The following TASP1 variants were observed in gnomAD, a reference collection of about 807,000 sequenced individuals.
TASP1 encodes the protein threonine aspartase 1.
A neutral mutation model predicts 56.6 loss-of-function variants in TASP1; 16 were observed. The ratio of observed to expected loss-of-function variants is 0.28; its 90% CI spans 0.19 to 0.43. The LOEUF (loss-of-function observed/expected upper bound fraction) is 0.43. Among genes scored for constraint, TASP1 ranks in the 20% least tolerant of loss-of-function variants. The pLI is 1.00. For synonymous variants in TASP1, 179 were observed against 184.2 expected (o/e 0.97, Z 0.23); for missense variants, 393 against 511.6 (o/e 0.77, Z 2.24).
chr20:13,195,023 C>G, the TASP1 span, among the ~76,000 whole-genome samples: 1 of 152,120 alleles, frequency 6.6e-6, no homozygotes, highest in Non-Finnish European at 1.5e-5. Context: ...GCTTCTCTAC[C>G]ATTTGTGAGG....
chr20:13,284,061 G>T, the TASP1 span, among the ~76,000 whole-genome samples: 1 of 152,194 alleles, frequency 6.6e-6, no homozygotes, highest in Non-Finnish European at 1.5e-5. Flanking sequence ...TAACCTCTCT[G>T]AGCCTCAGTC....
At chr20:13,190,140 G>A in the TASP1 span, among the ~76,000 whole-genome samples, 1 of 152,102 alleles carries the variant, frequency 6.6e-6, no homozygotes, top group African/African-American at 2.4e-5. Context: ...ATACACAGTG[G>A]GGACTCCAAA....
At chr20:13,597,247 C>A in intron 4 of TASP1, among the ~76,000 whole-genome samples, 1 of 152,120 alleles carries the variant, frequency 6.6e-6, no homozygotes, top group South Asian at 2.1e-4. Flanking sequence ...GATTTTAGAC[C>A]AATATCCTTG....
intron 11 of TASP1, among the ~76,000 whole-genome samples, chr20:13,438,525 A>C (rs1182915788): frequency 1.3e-5 from 2 of 152,220 alleles, no homozygotes; most frequent in Non-Finnish European, 2.9e-5. Context: ...TAAAGACTTA[A>C]ATGTTAGACC....
At chr20:13,435,721 T>C (rs764483755) in intron 11 of TASP1, among the ~76,000 whole-genome samples, 13 of 152,192 alleles carry the variant, frequency 8.5e-5, no homozygotes, top group African/African-American at 2.7e-4. Flanking sequence ...CACTGAACCA[T>C]TGTGAACATT....
intron 11 of TASP1, among the ~76,000 whole-genome samples, chr20:13,468,913 T>C (rs1265993461): frequency 6.6e-6 from 1 of 151,486 alleles, no homozygotes; most frequent in Non-Finnish European, 1.5e-5. Flanking sequence ...ATGATTTTAA[T>C]TACATCCTAA....
chr20:13,158,698 A>G, the TASP1 span, among the ~76,000 whole-genome samples: 1 of 152,210 alleles, frequency 6.6e-6, no homozygotes, highest in Non-Finnish European at 1.5e-5. Flanking sequence ...AGTTGAAATC[A>G]AAGGGCTAAT....
intron 4 of TASP1, among the ~76,000 whole-genome samples, chr20:13,618,172 G>A (rs1427022714): frequency 6.6e-6 from 1 of 152,110 alleles, no homozygotes; most frequent in African/African-American, 2.4e-5. Context: ...CACTTTGGGA[G>A]GCCGAGGCGG....
the TASP1 span, among the ~76,000 whole-genome samples, chr20:13,142,617 T>G: frequency 1.3e-5 from 2 of 152,310 alleles, no homozygotes; most frequent in East Asian, 3.9e-4. Context: ...ATTGAATATA[T>G]CAGTTTCCTT....
intron 11 of TASP1, among the ~76,000 whole-genome samples, chr20:13,440,907 C>G (rs996508534): frequency 4.6e-5 from 7 of 152,118 alleles, no homozygotes; most frequent in African/African-American, 1.7e-4. Context: ...TCAGGTAACA[C>G]AAAAATCTCT....
chr20:13,605,890 T>A (rs981909670), intron 4 of TASP1, among the ~76,000 whole-genome samples: 3 of 151,892 alleles, frequency 2.0e-5, no homozygotes, highest in Non-Finnish European at 2.9e-5. Flanking sequence ...AAATCCAAAG[T>A]CCTAATTTTC....
At chr20:13,554,396 TAAAGAAA>T (rs1227275708) in intron 8 of TASP1, among the ~76,000 whole-genome samples, 2 of 134,564 alleles carry the variant, frequency 1.5e-5, no homozygotes, top group East Asian at 4.4e-4. Context: ...GGTCAAAGAC[TAAAGAAA>T]ACAAGAGCGC....
At chr20:13,613,428 A>G (rs2048417176) in intron 4 of TASP1, among the ~76,000 whole-genome samples, 1 of 152,170 alleles carries the variant, frequency 6.6e-6, no homozygotes, top group African/African-American at 2.4e-5. Flanking sequence ...TGCAGTTCCC[A>G]TATAGCAGAG....
At chr20:13,173,091 T>C in the TASP1 span, among the ~76,000 whole-genome samples, 3 of 152,174 alleles carry the variant, frequency 2.0e-5, no homozygotes, top group African/African-American at 7.2e-5. Context: ...GAAAAAGTGA[T>C]CATGGAAGAG....
At chr20:13,389,280 C>T (rs947692437), downstream of TASP1, 51 of 152,296 alleles carry the variant, frequency 3.3e-4, no homozygotes, top group East Asian at 9.2e-3. Flanking sequence ...TTGCCAGTGT[C>T]TTCTTTAACT....
the TASP1 span, among the ~76,000 whole-genome samples, chr20:13,260,687 G>A: frequency 6.6e-6 from 1 of 151,932 alleles, no homozygotes; most frequent in Middle Eastern, 3.4e-3. Flanking sequence ...AGTCAGAGCT[G>A]AATAGAGTGA....
chr20:13,535,959 A>G (rs2045401225), intron 8 of TASP1, among the ~76,000 whole-genome samples: 1 of 152,246 alleles, frequency 6.6e-6, no homozygotes, highest in Admixed American at 6.5e-5. Flanking sequence ...AATGCATTAA[A>G]AACATTTTAT....
the TASP1 span, among the ~76,000 whole-genome samples, chr20:13,251,169 C>T: frequency 1.3e-5 from 2 of 152,190 alleles, no homozygotes; most frequent in Non-Finnish European, 1.5e-5. Context: ...GGATTTCTTT[C>T]ACCCAGTAGT....
chr20:13,228,192 C>T, the TASP1 span, among the ~76,000 whole-genome samples: 21 of 151,976 alleles, frequency 1.4e-4, no homozygotes, highest in Admixed American at 6.5e-4. Flanking sequence ...AGGCTGGTCT[C>T]GAACTCTTCA....
Sources: gnomAD v4.1 joint callset for allele counts (sites outside exome capture counted in the v4.1 genomes callset) on GRCh38, gnomAD v4.1.1 for gene constraint, MANE v1.5 for transcripts, NCBI Gene and HGNC (gene_info 2026-07-23, HGNC 2026-07-21) for gene names.